The following ARHGAP22 variants were observed in gnomAD, a reference collection of about 807,000 sequenced individuals.
ARHGAP22 encodes Rho GTPase activating protein 22, also known as rho GTPase-activating protein 22.
ARHGAP22 carries 48 observed loss-of-function variants against 59.1 expected under a neutral mutation model. The ratio of observed to expected loss-of-function variants is 0.81; its 90% CI spans 0.64 to 1.03. The LOEUF is 1.03. Among genes scored for constraint, ARHGAP22 ranks in the 50% least tolerant of loss-of-function variants. ARHGAP22 has a pLI of 0.00. For missense variants in ARHGAP22, 1,015 were observed against 958.7 expected (o/e 1.06, Z -0.78); for synonymous variants, 445 against 416.4 (o/e 1.07, Z -0.84).
At chr10:48,648,164 C>T (rs1313935562) in intron 1 of ARHGAP22, among the ~76,000 whole-genome samples, 1 of 151,972 alleles carries the variant, frequency 6.6e-6, no homozygotes, top group African/African-American at 2.4e-5. Flanking sequence ...CTGTGAACCT[C>T]GAATGGGTGA....
At chr10:48,594,560 C>G (rs1389552525) in intron 1 of ARHGAP22, among the ~76,000 whole-genome samples, 1 of 152,194 alleles carries the variant, frequency 6.6e-6, no homozygotes, top group Non-Finnish European at 1.5e-5. Context: ...TTTCCCTCCC[C>G]ACCCCCAAAT....
rs950628317 is a variant in ARHGAP22, at chr10:48,563,287, G to A, written c.235-7737C>T. Among the ~76,000 whole-genome samples, 3 of 141,800 alleles carry A rather than the reference G, an allele frequency of 2.1e-5. No homozygotes were observed. In the South Asian group the frequency reaches 7.2e-4, roughly 34 times the overall value. The allele number at this position is 141,800 out of a possible 152,430, so 93.0% of individuals were successfully genotyped here. On this transcript the variant is annotated intron_variant, in intron 2 of 9. Coordinates refer to ENST00000249601, the MANE Select transcript of ARHGAP22 (RefSeq NM_021226.4). ...TGGCTCACTACAAGCTCCGCCTCCT[G>A]GGTTCATGCCATTCGCCTGCCTCAG...
rs12218407 is a variant in ARHGAP22 at position 48,532,017 on chromosome 10, G to A, written c.322+23446C>T. 2.2e-3 allele frequency among the ~76,000 whole-genome samples: 330 copies of A among 152,324 alleles called. 14 individuals carry two copies. The East Asian group carries it at 0.059, about 27-fold the overall frequency. ...TAGAGGGAGCTTGTTGAAGAAGGGC[G>A]TGATGTAGACACTTTGTAGACAGCT... On this transcript the variant is annotated intron_variant, in intron 3 of 9. Transcript: ENST00000249601.
At chr10:48,504,367 G>T (rs998307591) in intron 3 of ARHGAP22, among the ~76,000 whole-genome samples, 27 of 152,304 alleles carry the variant, frequency 1.8e-4, no homozygotes, top group African/African-American at 6.5e-4. Context: ...CTTGACATAT[G>T]GGGTGGCCTG....
intron 1 of ARHGAP22, among the ~76,000 whole-genome samples, chr10:48,628,117 C>G (rs963523908): frequency 6.6e-6 from 1 of 152,238 alleles, no homozygotes; most frequent in Admixed American, 6.5e-5. Flanking sequence ...TCTTGGGAGT[C>G]CTCAGGGTGT....
intron 1 of ARHGAP22, among the ~76,000 whole-genome samples, chr10:48,598,430 G>A (rs772854027): frequency 1.3e-5 from 2 of 152,150 alleles, no homozygotes; most frequent in African/African-American, 2.4e-5. Context: ...TCTGCAGGGC[G>A]GGGAGGTGCC....
At position 48,454,021 on chromosome 10, in the gene ARHGAP22, G is replaced by C. The variant is rs554321610; in HGVS notation, c.866+67C>G. On this transcript the variant is annotated intron_variant, in intron 7 of 9. Transcript: ENST00000249601. ...CTGACAAGGAAGAGTTGCGTGTCTC[G>C]CTGTGGGGTTGGGGGAGCGTGGAGC... 9.3e-6 allele frequency: 14 copies of C among 1,499,878 alleles called. No individual in the cohort carries two copies. In the South Asian group the frequency reaches 1.5e-4, roughly 16 times the overall value. The allele number at this position is 1,499,878 out of a possible 1,614,324, so 92.9% of individuals were successfully genotyped here.
At position 48,468,879 on chromosome 10, in the gene ARHGAP22, G is replaced by A. The variant is rs2133931195; in HGVS notation, c.452-8988C>T. On this transcript the variant is annotated intron_variant, in intron 4 of 9. Transcript: ENST00000249601. ...CTCCCCAGAGCTCAGGTGAACATGAGGGTGCCAGGGCAGGTTGGTGCAGGG... is the reference window on the plus strand; with the variant it reads ...CTCCCCAGAGCTCAGGTGAACATGAAGGTGCCAGGGCAGGTTGGTGCAGGG... 2.6e-5 allele frequency among the ~76,000 whole-genome samples: 4 copies of A among 152,258 alleles called. 1 individual carries two copies. In the Middle Eastern group the frequency reaches 0.014, roughly 518 times the overall value.
intron 5 of ARHGAP22, among the ~76,000 whole-genome samples, chr10:48,456,540 G>C (rs992108524): frequency 4.6e-5 from 7 of 152,122 alleles, no homozygotes; most frequent in Non-Finnish European, 1.0e-4. Flanking sequence ...TCCCCACTGG[G>C]AGCCCGTGGC....
intron 2 of ARHGAP22, among the ~76,000 whole-genome samples, chr10:48,582,266 A>G (rs141009442): frequency 6.6e-6 from 1 of 152,252 alleles, no homozygotes; most frequent in African/African-American, 2.4e-5. Flanking sequence ...TTCCTGTTTT[A>G]TCCCCAAGAG....
At chr10:48,642,169 A>G (rs912222887) in intron 1 of ARHGAP22, among the ~76,000 whole-genome samples, 3 of 152,218 alleles carry the variant, frequency 2.0e-5, no homozygotes, top group Non-Finnish European at 4.4e-5. Flanking sequence ...TGCCCAAGGT[A>G]ATTTATAGAT....
At chr10:48,656,265 T>TGGG (rs760924651), upstream of ARHGAP22, 20 of 101,602 alleles carry the variant, frequency 2.0e-4, no homozygotes, top group African/African-American at 4.6e-4. Flanking sequence ...TCGGCGCCTC[T>TGGG]GGGGGGGGGG....
At chr10:48,547,720 C>T (rs2056565651) in intron 3 of ARHGAP22, among the ~76,000 whole-genome samples, 1 of 152,236 alleles carries the variant, frequency 6.6e-6, no homozygotes, top group African/African-American at 2.4e-5. Flanking sequence ...CTCAGCACTG[C>T]ACACTCAGGT....
chr10:48,580,023 G>A (rs115396423), intron 2 of ARHGAP22, among the ~76,000 whole-genome samples: 5 of 152,158 alleles, frequency 3.3e-5, no homozygotes, highest in African/African-American at 1.2e-4. Context: ...TTTGTTGGGG[G>A]AAATGGGAAG....
At chr10:48,598,254 T>C (rs548898135) in intron 1 of ARHGAP22, among the ~76,000 whole-genome samples, 3 of 152,312 alleles carry the variant, frequency 2.0e-5, no homozygotes, top group African/African-American at 7.2e-5. Context: ...GGAAGAGGCT[T>C]GAGTTTGCAG....
At chr10:48,576,561 T>A (rs2058723292) in intron 2 of ARHGAP22, among the ~76,000 whole-genome samples, 1 of 152,238 alleles carries the variant, frequency 6.6e-6, no homozygotes, top group South Asian at 2.1e-4. Context: ...CTCTGACTTG[T>A]CTTATTTGTA....
intron 3 of ARHGAP22, among the ~76,000 whole-genome samples, chr10:48,507,543 T>A (rs1435205946): frequency 6.6e-6 from 1 of 151,992 alleles, no homozygotes; most frequent in East Asian, 1.9e-4. Flanking sequence ...GTGAGCAACA[T>A]CAACATAAAA....
At chr10:48,484,594 G>T (rs556231944) in intron 3 of ARHGAP22, among the ~76,000 whole-genome samples, 1 of 152,246 alleles carries the variant, frequency 6.6e-6, no homozygotes, top group African/African-American at 2.4e-5. Flanking sequence ...CACCAATGCA[G>T]CCATCTAGGC....
rs891921843 is a variant in ARHGAP22, at chr10:48,570,043, T to C, written c.234+12910A>G. Among the ~76,000 whole-genome samples the C allele has an allele frequency of 8.5e-5, 13 of 152,372 alleles. No individual in the cohort carries two copies. The East Asian group carries it at 2.5e-3, about 29-fold the overall frequency. ...GATTACTTAAATCTTGTGTTTTTCT[T>C]TGACATGCAGAAAAAATGGTTTTAA... On this transcript the variant is annotated intron_variant, in intron 2 of 9. Coordinates refer to ENST00000249601, the MANE Select transcript of ARHGAP22 (RefSeq NM_021226.4).
Sources: allele counts gnomAD v4.1 joint callset (sites outside exome capture counted in the v4.1 genomes callset), GRCh38; gene constraint gnomAD v4.1.1; transcripts MANE v1.5; gene names NCBI Gene and HGNC (gene_info 2026-07-23, HGNC 2026-07-21).